Variants in RIT2 observed in about 807,000 individuals in gnomAD.
The protein encoded by RIT2 is GTP-binding protein Rit2.
A neutral mutation model predicts 23.7 loss-of-function variants in RIT2; 24 were observed. That is an observed-to-expected ratio of 1.01 (90% CI 0.73 to 1.43). The LOEUF is 1.43. Among genes scored for constraint, RIT2 ranks in the 40% most tolerant of loss-of-function variants. RIT2 has a pLI of 0.00. For missense variants in RIT2, 236 were observed against 266.9 expected (o/e 0.88, Z 0.81); for synonymous variants, 107 against 91.1 (o/e 1.17, Z -0.99).
At chr18:42,998,075 C>T (rs1199046980) in intron 2 of RIT2, among the ~76,000 whole-genome samples, 1 of 152,082 alleles carries the variant, frequency 6.6e-6, no homozygotes, top group Admixed American at 6.6e-5. Context: ...CAACTACTCA[C>T]TGCTATTTGT....
chr18:42,864,409 TA>T (rs1438870562), intron 4 of RIT2, among the ~76,000 whole-genome samples: 2 of 152,216 alleles, frequency 1.3e-5, no homozygotes, highest in African/African-American at 4.8e-5. Context: ...TTGTTATCAT[TA>T]ATAGAGTAAT....
At chr18:42,828,106 C>A (rs2144003916) in intron 4 of RIT2, among the ~76,000 whole-genome samples, 1 of 148,986 alleles carries the variant, frequency 6.7e-6, no homozygotes, top group African/African-American at 2.5e-5. Flanking sequence ...AGAAGTTTGA[C>A]AATCGTAAGT....
At chr18:43,060,668 C>T (rs1685322086) in intron 1 of RIT2, among the ~76,000 whole-genome samples, 1 of 152,038 alleles carries the variant, frequency 6.6e-6, no homozygotes, top group South Asian at 2.1e-4. Context: ...CACATAAAAA[C>T]AAATTGAAAT....
intron 4 of RIT2, among the ~76,000 whole-genome samples, chr18:42,855,748 C>A (rs1397988561): frequency 1.3e-5 from 2 of 152,112 alleles, no homozygotes; most frequent in East Asian, 1.9e-4. Context: ...CATTTTGAAT[C>A]CTGTTTTTTC....
At chr18:42,843,618 T>C (rs1906828425) in intron 4 of RIT2, among the ~76,000 whole-genome samples, 1 of 152,230 alleles carries the variant, frequency 6.6e-6, no homozygotes, top group Non-Finnish European at 1.5e-5. Context: ...TGTTCATTTA[T>C]CATTTTATTA....
intron 1 of RIT2, among the ~76,000 whole-genome samples, chr18:43,062,957 G>T (rs1250209976): frequency 2.0e-5 from 3 of 151,692 alleles, no homozygotes; most frequent in Admixed American, 1.3e-4. Context: ...AAAATTTTGG[G>T]TTTTTTTTGA....
At chr18:43,069,794 A>G (rs1200066972) in intron 1 of RIT2, among the ~76,000 whole-genome samples, 1 of 152,110 alleles carries the variant, frequency 6.6e-6, no homozygotes, top group Non-Finnish European at 1.5e-5. Flanking sequence ...TCTTTCACCA[A>G]ATATTCACAA....
At chr18:42,880,612 T>A (rs1568019950) in intron 4 of RIT2, among the ~76,000 whole-genome samples, 1 of 152,130 alleles carries the variant, frequency 6.6e-6, no homozygotes, top group African/African-American at 2.4e-5. Flanking sequence ...AACATAATTA[T>A]ATTCCTTAGA....
chr18:43,005,161 T>C (rs1911198216), intron 2 of RIT2, among the ~76,000 whole-genome samples: 1 of 151,778 alleles, frequency 6.6e-6, no homozygotes, highest in Non-Finnish European at 1.5e-5. Context: ...TTCTATCTCA[T>C]CTCCTTCAAT....
intron 1 of RIT2, among the ~76,000 whole-genome samples, chr18:43,045,674 C>T (rs1912229760): frequency 6.6e-6 from 1 of 152,120 alleles, no homozygotes; most frequent in Non-Finnish European, 1.5e-5. Flanking sequence ...CCTACCTTAT[C>T]AGAAGGGCAT....
chr18:42,760,706 A>C (rs765546136), intron 4 of RIT2, among the ~76,000 whole-genome samples: 3 of 152,248 alleles, frequency 2.0e-5, no homozygotes, highest in Admixed American at 6.5e-5. Flanking sequence ...CCTCATCTTA[A>C]AATGGGTTAA....
At chr18:42,990,914 T>TTTTC in intron 2 of RIT2, among the ~76,000 whole-genome samples, 1 of 148,394 alleles carries the variant, frequency 6.7e-6, no homozygotes, top group East Asian at 2.0e-4. Flanking sequence ...CTGGTTTTGT[T>TTTTC]TTTTTTTTTT....
intron 2 of RIT2, among the ~76,000 whole-genome samples, chr18:43,024,976 G>C (rs1295343526): frequency 6.6e-6 from 1 of 151,976 alleles, no homozygotes; most frequent in Non-Finnish European, 1.5e-5. Flanking sequence ...GGGAGGCCAA[G>C]GCAGACAGAT....
intron 1 of RIT2, among the ~76,000 whole-genome samples, chr18:43,064,521 T>C (rs1184700731): frequency 1.3e-5 from 2 of 152,128 alleles, no homozygotes; most frequent in Non-Finnish European, 2.9e-5. Flanking sequence ...CAGAATAAAG[T>C]ACTTAGGATC....
At chr18:43,084,035 C>CA (rs1913221351) in intron 1 of RIT2, among the ~76,000 whole-genome samples, 1 of 151,870 alleles carries the variant, frequency 6.6e-6, no homozygotes, top group African/African-American at 2.4e-5. Flanking sequence ...AATAAATTTC[C>CA]AAAAAATGCC....
intron 3 of RIT2, among the ~76,000 whole-genome samples, chr18:42,948,119 A>G (rs1336795762): frequency 6.6e-6 from 1 of 152,110 alleles, no homozygotes; most frequent in Non-Finnish European, 1.5e-5. Context: ...TGGCACATAT[A>G]ATATGCTTTT....
At chr18:42,789,781 A>G (rs547242900) in intron 4 of RIT2, among the ~76,000 whole-genome samples, 3 of 152,278 alleles carry the variant, frequency 2.0e-5, no homozygotes, top group African/African-American at 4.8e-5. Flanking sequence ...AGATAATTTG[A>G]CTTCCTCTTT....
intron 1 of RIT2, among the ~76,000 whole-genome samples, chr18:43,077,439 C>A (rs909928921): frequency 6.6e-6 from 1 of 151,886 alleles, no homozygotes; most frequent in Admixed American, 6.5e-5. Flanking sequence ...TTTTTTGTGG[C>A]ATTTTGTCGT....
chr18:42,897,889 T>C (rs959545657), intron 4 of RIT2, among the ~76,000 whole-genome samples: 30 of 152,070 alleles, frequency 2.0e-4, no homozygotes, highest in African/African-American at 6.5e-4. Flanking sequence ...CTGATGTAAA[T>C]AAATAAATGC....
Sources: allele counts gnomAD v4.1 joint callset (sites outside exome capture counted in the v4.1 genomes callset), GRCh38; gene constraint gnomAD v4.1.1; transcripts MANE v1.5; gene names NCBI Gene and HGNC (gene_info 2026-07-23, HGNC 2026-07-21).